TMC7: variants seen among roughly 807,000 people sequenced by gnomAD.
TMC7 encodes the protein transmembrane channel-like protein 7.
A neutral mutation model predicts 82.9 loss-of-function variants in TMC7; 54 were observed. That is an observed-to-expected ratio of 0.65 (90% CI 0.52 to 0.82). The LOEUF (loss-of-function observed/expected upper bound fraction) is 0.82, where lower values mean the gene tolerates loss of function less well. Among genes scored for constraint, TMC7 ranks in the 40% least tolerant of loss-of-function variants. The probability of loss-of-function intolerance (pLI) is 0.00; values close to 1 mark genes in which losing one functional copy is unlikely to be tolerated. For missense variants in TMC7, 820 were observed against 901.2 expected (o/e 0.91, Z 1.15); for synonymous variants, 350 against 337.9 (o/e 1.04, Z -0.39).
rs190828525 is a variant in TMC7 at position 18,987,816 on chromosome 16, C to T, written c.67+3686C>T. 2.8e-3 allele frequency among the ~76,000 whole-genome samples: 427 copies of T among 152,266 alleles called. 8 individuals carry two copies. The highest frequency in any genetic ancestry group is 2.1e-3 in the East Asian group (11 of 5,178). Reference sequence around the variant, plus strand: ...ACTCTGGAGTCTCAAGTGCAAATGTCATTGGCCTCTCCTCCAGCCTCCTCA... The same window carrying T: ...ACTCTGGAGTCTCAAGTGCAAATGTTATTGGCCTCTCCTCCAGCCTCCTCA... On this transcript the variant is annotated intron_variant, in intron 1 of 15. Coordinates refer to ENST00000304381, the MANE Select transcript of TMC7 (RefSeq NM_024847.4).
At chr16:18,984,371 T>C in intron 1 of TMC7, 1 of 1,280,134 alleles carries the variant, frequency 7.8e-7, no homozygotes, top group Non-Finnish European at 9.8e-7. Context: ...AGAACTGCAG[T>C]CTGGACCGTG....
chr16:19,021,810 C>G lies in TMC7; in HGVS notation c.628+14C>G. On this transcript the variant is annotated intron_variant, in intron 4 of 15. Transcript: ENST00000304381. Reference sequence around the variant, plus strand: ...TCAAAGACATGGGTGAGTGTAAGGCCTGGTTTACTACGAAGTGTGTTTGTT... The same window carrying G: ...TCAAAGACATGGGTGAGTGTAAGGCGTGGTTTACTACGAAGTGTGTTTGTT... 6.2e-7 allele frequency: 1 copy of G among 1,612,742 alleles called. No homozygotes were observed. The highest frequency in any genetic ancestry group is 8.5e-7 in the Non-Finnish European group (1 of 1,179,340).
Position 19,047,131 on chromosome 16 carries a change from C to T in TMC7, c.1622C>T (p.Pro541Leu). The T allele has an allele frequency of 6.2e-7, 1 of 1,614,066 alleles. No individual in the cohort carries two copies. The highest frequency in any genetic ancestry group is 1.1e-5 in the South Asian group (1 of 91,072). ...TGGGGGCAGCAGGAGTTTGCCATTC[C>T]TGATAACGTCCTGGGGATAGTTTAC... ...QCWGQQEFAIPDNVLGIVYGQ... is the reference protein window; with the variant it reads ...QCWGQQEFAILDNVLGIVYGQ... The change falls in exon 12 of 16, where the codon CCT becomes CTT. Residue 541 changes from proline to leucine, a missense_variant. Physicochemically the swap from Pro to Leu is moderately conservative, Grantham distance 98. Around this residue, in one of 2 missense-constraint regions of TMC7, gnomAD observed 170 missense variants for 231.3 expected, o/e 0.74. Coordinates refer to ENST00000304381, the MANE Select transcript of TMC7 (RefSeq NM_024847.4).
chr16:18,992,098 T>C (rs2038962235), intron 1 of TMC7, among the ~76,000 whole-genome samples: 1 of 152,206 alleles, frequency 6.6e-6, no homozygotes. Flanking sequence ...TTATAATCCT[T>C]TGGGTATATA....
intron 5 of TMC7, among the ~76,000 whole-genome samples, chr16:19,023,524 G>A (rs1175225286): frequency 6.6e-6 from 1 of 152,160 alleles, no homozygotes; most frequent in Non-Finnish European, 1.5e-5. Flanking sequence ...TTGGCTCACT[G>A]CAATCTCTGC....
intron 14 of TMC7, among the ~76,000 whole-genome samples, chr16:19,058,646 A>G (rs1317317689): frequency 1.3e-5 from 2 of 152,210 alleles, no homozygotes; most frequent in African/African-American, 4.8e-5. Flanking sequence ...TTCTGCTGCC[A>G]CTGCCAAATA....
intron 8 of TMC7, among the ~76,000 whole-genome samples, chr16:19,039,580 G>C (rs1455869275): frequency 6.6e-6 from 1 of 152,156 alleles, no homozygotes; most frequent in Non-Finnish European, 1.5e-5. Context: ...CTAGCTACAA[G>C]GGAGGCTAGG....
At chr16:19,045,305 G>A (rs761527587) in intron 10 of TMC7, 36 bp from the exon 11 acceptor site, 1 of 1,548,710 alleles carries the variant, frequency 6.5e-7, no homozygotes, top group South Asian at 1.1e-5. Context: ...GCCTCAGCTA[G>A]GGTCTTTCAG....
rs762750581 is a variant in TMC7, at chr16:19,016,415, T to C, written c.312-35T>C. 3 of 1,612,518 alleles carry C rather than the reference T, an allele frequency of 1.9e-6. No individual in the cohort carries two copies. In the East Asian group the frequency reaches 6.7e-5, roughly 36 times the overall value. On this transcript the variant is annotated intron_variant, in intron 2 of 15. Transcript: ENST00000304381. Reference sequence around the variant, plus strand: ...GGGATGCTGAGTCTTGATGCTGCTGTTGTTGTCATTGTCATGATCATGTTT... The same window carrying C: ...GGGATGCTGAGTCTTGATGCTGCTGCTGTTGTCATTGTCATGATCATGTTT...
In TMC7 at chr16:19,047,168, C is replaced by A; in HGVS notation, c.1659C>A (p.Ile553=). 1.2e-6 allele frequency: 2 copies of A among 1,614,032 alleles called. No individual in the cohort carries two copies. Among genetic ancestry groups the A allele is most frequent in the African/African-American group, 2.7e-5 (2 of 75,016 alleles). Residue 553 remains isoleucine, a synonymous_variant, in exon 12 of 16, where the codon ATC becomes ATA. Transcript: ENST00000304381. ...TGGGGATAGTTTACGGGCAAACCAT[C>A]TGCTGGATCGGAGCCTTTTTCTCAC... ...NVLGIVYGQT[I]CWIGAFFSPL... is the part of the protein sequence containing the mutation.
In TMC7 at chr16:18,984,434, G is replaced by T. The variant is rs192630769; in HGVS notation, c.67+304G>T. The T allele has an allele frequency of 2.1e-4, 256 of 1,199,578 alleles. No individual in the cohort carries two copies. The African/African-American group carries it at 3.5e-3, about 16-fold the overall frequency. 74.3% of individuals were successfully genotyped at this position (1,199,578 alleles called of 1,614,324 possible). A position where few individuals can be genotyped will look rare whatever the true frequency, so the allele number is the denominator to read the frequency against. On this transcript the variant is annotated intron_variant, in intron 1 of 15. Transcript: ENST00000304381. ...AGACAGTCTTTCAATAGCCTCATCTGCTGTTAAATGAAAGGATTTGAGCAC... is the reference window on the plus strand; with the variant it reads ...AGACAGTCTTTCAATAGCCTCATCTTCTGTTAAATGAAAGGATTTGAGCAC...
chr16:19,008,806 G>T (rs1386121178), intron 1 of TMC7, among the ~76,000 whole-genome samples: 2 of 152,140 alleles, frequency 1.3e-5, no homozygotes, highest in Non-Finnish European at 2.9e-5. Context: ...CACTGTGGGA[G>T]GAAGTTGGAG....
At chr16:19,004,286 G>T (rs906743935) in intron 1 of TMC7, among the ~76,000 whole-genome samples, 9 of 152,246 alleles carry the variant, frequency 5.9e-5, no homozygotes, top group African/African-American at 2.2e-4. Flanking sequence ...TTCTTCCTAG[G>T]AGGGGGTAGG....
intron 7 of TMC7, among the ~76,000 whole-genome samples, chr16:19,036,248 G>T (rs984213928): frequency 1.6e-4 from 24 of 152,336 alleles, no homozygotes; most frequent in African/African-American, 5.1e-4. Context: ...GGTGGCTTAT[G>T]CCTGTAATCC....
At position 19,063,418 on chromosome 16, in the gene TMC7, T is replaced by G. The variant is rs1227466499; in HGVS notation, c.*1575T>G. ...AAGTACAAAAATTAGCCAGGCATGG[T>G]GGCGTGTGCCTGTAATCCCAGCTAC... On this transcript the variant is annotated 3_prime_UTR_variant, in exon 16 of 16. Coordinates refer to ENST00000304381, the MANE Select transcript of TMC7 (RefSeq NM_024847.4). 1 of 152,266 alleles carries G rather than the reference T, an allele frequency of 6.6e-6. No homozygotes were observed. Among genetic ancestry groups the G allele is most frequent in the African/African-American group, 2.4e-5 (1 of 41,448 alleles). The allele number at this position is 152,266 out of a possible 1,614,324, so 9.4% of individuals were successfully genotyped here. A position where few individuals can be genotyped will look rare whatever the true frequency, so the allele number is the denominator to read the frequency against.
rs960545531 is a variant in TMC7 at position 19,009,381 on chromosome 16, T to A, written c.277T>A (p.Tyr93Asn). The change falls in exon 2 of 16, where the codon TAT becomes AAT. Residue 93 changes from tyrosine to asparagine, a missense_variant. Tyr to Asn is a moderately radical substitution (Grantham distance 143). Coordinates refer to ENST00000304381, the MANE Select transcript of TMC7 (RefSeq NM_024847.4). ...CCTCAGCAGCCATTCTCTTCGAAAT[T>A]ATGCACTGAACATCTCTGAGAAGCG... ...ENLSSHSLRN[Y>N]ALNISEKRRL... 5 of 1,614,148 alleles carry A rather than the reference T, an allele frequency of 3.1e-6. No individual in the cohort carries two copies. Among genetic ancestry groups the A allele is most frequent in the Non-Finnish European group, 4.2e-6 (5 of 1,180,026 alleles).
chr16:19,054,670 G>T (rs1342195634), intron 13 of TMC7, among the ~76,000 whole-genome samples: 1 of 149,406 alleles, frequency 6.7e-6, no homozygotes, highest in African/African-American at 2.5e-5. Context: ...AGCCGAGATT[G>T]CACCAATGCC....
intron 3 of TMC7, among the ~76,000 whole-genome samples, chr16:19,021,395 C>G (rs1244188081): frequency 1.3e-5 from 2 of 152,080 alleles, no homozygotes; most frequent in Non-Finnish European, 2.9e-5. Context: ...AATATTGAGC[C>G]CTCCCTCATA....
At position 19,009,021 on chromosome 16, in the gene TMC7, T is replaced by C. The variant is rs1490471696; in HGVS notation, c.68-151T>C. 1.1e-5 allele frequency: 10 copies of C among 873,096 alleles called. No individual in the cohort carries two copies. The East Asian group carries it at 2.2e-4, about 19-fold the overall frequency. 54.1% of individuals were successfully genotyped at this position (873,096 alleles called of 1,614,324 possible). A position where few individuals can be genotyped will look rare whatever the true frequency, so the allele number is the denominator to read the frequency against. On this transcript the variant is annotated intron_variant, in intron 1 of 15. Coordinates refer to ENST00000304381, the MANE Select transcript of TMC7 (RefSeq NM_024847.4). ...ATGATTTCATTGTCCTGAGCACCAC[T>C]GTGGTAAATAAAATAAGATCAAAAT...
Sources: gnomAD v4.1 joint callset for allele counts (sites outside exome capture counted in the v4.1 genomes callset) on GRCh38, gnomAD v4.1.1 for gene constraint, gnomAD v4.1.1 regional missense constraint, MANE v1.5 for transcripts, NCBI Gene and HGNC (gene_info 2026-07-23, HGNC 2026-07-21) for gene names.